Variants in DEPDC1 observed in about 807,000 individuals in gnomAD.
DEPDC1 encodes the protein DEP domain containing 1, also known as DEP domain-containing protein 1A.
Under a neutral mutation model 86.8 loss-of-function variants are expected in DEPDC1, and 66 were observed. The observed-to-expected ratio is 0.76, with a 90% CI of 0.62 to 0.93. The LOEUF (loss-of-function observed/expected upper bound fraction) is 0.93. Among genes scored for constraint, DEPDC1 ranks in the 40% least tolerant of loss-of-function variants. DEPDC1 has a pLI of 0.00. For missense variants in DEPDC1, 792 were observed against 935.7 expected (o/e 0.85, Z 2.00); for synonymous variants, 255 against 314.9 (o/e 0.81, Z 2.02).
In DEPDC1 at chr1:68,494,421, G is replaced by C; in HGVS notation, c.314+9C>G. On this transcript the variant is annotated intron_variant, in intron 2 of 11. Coordinates refer to ENST00000456315, the MANE Select transcript of DEPDC1 (RefSeq NM_001114120.3). The stretch of plus-strand genomic sequence containing the variant: ...AATTCAGTTTTACAGTTACATATCT[G>C]TTCATTACCTGAAGAGCTGGTTGTT... 6.2e-7 allele frequency: 1 copy of C among 1,610,738 alleles called. No homozygotes were observed. The highest frequency in any genetic ancestry group is 8.5e-7 in the Non-Finnish European group (1 of 1,177,760).
At chr1:68,481,745 C>T (rs1042041772) in intron 8 of DEPDC1, 133 bp from the exon 9 acceptor site, 86 of 761,914 alleles carry the variant, frequency 1.1e-4, no homozygotes, top group Middle Eastern at 2.4e-4. Context: ...CTAGAAATTA[C>T]GTTCCTCTAA....
At chr1:68,486,690 A>G (rs1646194607) in intron 6 of DEPDC1, among the ~76,000 whole-genome samples, 1 of 151,974 alleles carries the variant, frequency 6.6e-6, no homozygotes, top group South Asian at 2.1e-4. Flanking sequence ...ACTTTATAAT[A>G]TATGTGAACT....
Position 68,496,096 on chromosome 1 carries a change from C to T in DEPDC1, c.48+856G>A, listed in dbSNP as rs1277804478. Among the ~76,000 whole-genome samples, 1 of 152,158 alleles carries T rather than the reference C, an allele frequency of 6.6e-6. No individual in the cohort carries two copies. Among genetic ancestry groups the T allele is most frequent in the African/African-American group, 2.4e-5 (1 of 41,446 alleles). ...TTGCTGTTGATGTGACTCTAGAGGG[C>T]ATTTAACGTCTGTGAGCCTCAGTGT... On this transcript the variant is annotated intron_variant, in intron 1 of 11. Transcript: ENST00000456315. The surrounding 1 kb of genome is among the most constrained non-coding windows in gnomAD (Gnocchi z 4.0).
intron 2 of DEPDC1, among the ~76,000 whole-genome samples, chr1:68,491,533 C>T (rs907910903): frequency 2.0e-5 from 3 of 152,012 alleles, no homozygotes; most frequent in Non-Finnish European, 2.9e-5. Flanking sequence ...GGCAAGGTTG[C>T]GGAGAAAATG....
intron 7 of DEPDC1, among the ~76,000 whole-genome samples, chr1:68,483,707 G>A (rs1646173557): frequency 6.6e-6 from 1 of 151,978 alleles, no homozygotes. Flanking sequence ...TAGTTAAAGT[G>A]CTTTTCTGAG....
intron 2 of DEPDC1, among the ~76,000 whole-genome samples, chr1:68,491,794 G>A (rs952947855): frequency 6.6e-6 from 1 of 151,564 alleles, no homozygotes; most frequent in Admixed American, 6.6e-5. Context: ...TCTTCTCCAA[G>A]TTTTACTCTG....
In DEPDC1 at chr1:68,482,266, A is replaced by C. The variant is rs769179870; in HGVS notation, c.1542T>G (p.Leu514=). The part of the protein sequence containing the change: ...SKQLCRSQSL[L]LRSSTRRNSY... ...TATTCCTTCTTGTACTACTTCTTAA[A>C]AGCAAACTCTGAGACCTACAAAGCT... Residue 514 remains leucine, a synonymous_variant, in exon 8 of 12, where the codon CTT becomes CTG. Transcript: ENST00000456315. 4.3e-5 allele frequency: 69 copies of C among 1,612,550 alleles called. No individual in the cohort carries two copies. Among genetic ancestry groups the C allele is most frequent in the Middle Eastern group, 1.6e-4 (1 of 6,068 alleles).
rs1646115938 is a variant in DEPDC1, at chr1:68,476,516, A to ACT, written c.*415_*416insAG. 6.6e-6 allele frequency: 1 copy of ACT among 152,314 alleles called. No individual in the cohort carries two copies. Among genetic ancestry groups the ACT allele is most frequent in the Non-Finnish European group, 1.5e-5 (1 of 68,386 alleles). The allele number at this position is 152,314 out of a possible 1,614,324, so 9.4% of individuals were successfully genotyped here. ...GTTTTCAAATATTCTTCACATTCTT[A>ACT]TACTTAGAAACAAAGAAGTAACCCC... On this transcript the variant is annotated 3_prime_UTR_variant, in exon 12 of 12. Coordinates refer to ENST00000456315, the MANE Select transcript of DEPDC1 (RefSeq NM_001114120.3).
chr1:68,494,666 T>C lies in DEPDC1; in HGVS notation c.78A>G (p.Ala26=), dbSNP rs78030459. The C allele has an allele frequency of 0.051, 82,683 of 1,612,684 alleles. 2,587 individuals carry two copies. The highest frequency in any genetic ancestry group is 0.14 in the African/African-American group (10,253 of 74,984). Residue 26 remains alanine, a synonymous_variant, in exon 2 of 12, where the codon GCA becomes GCG. Transcript: ENST00000456315. ...GTCTGTGTTTTCTTAGAGGCATTCC[T>C]GCTCGAAAAGATGTGGTAACTTCAT... ...LWNEVTTSFR[A]GMPLRKHRQH...
intron 6 of DEPDC1, among the ~76,000 whole-genome samples, chr1:68,486,564 C>A (rs1557620361): frequency 6.6e-6 from 1 of 151,614 alleles, no homozygotes; most frequent in Non-Finnish European, 1.5e-5. Flanking sequence ...ATCTAGTATT[C>A]TATGCTTCTA....
rs1179170870 is a variant in DEPDC1 at position 68,475,745 on chromosome 1, C to A, written c.*1187G>T. 1 of 151,770 alleles carries A rather than the reference C, an allele frequency of 6.6e-6. No individual in the cohort carries two copies. Among genetic ancestry groups the A allele is most frequent in the African/African-American group, 2.4e-5 (1 of 41,386 alleles). The allele number at this position is 151,770 out of a possible 1,614,324, so 9.4% of individuals were successfully genotyped here. On this transcript the variant is annotated 3_prime_UTR_variant, in exon 12 of 12. Transcript: ENST00000456315. ...AAGAACCTTGTTTTAAGATGAGAGT[C>A]ATTTATACTTGGCAGGCATTTTCTT...
chr1:68,480,967 G>T (rs1375009200), intron 9 of DEPDC1, among the ~76,000 whole-genome samples: 1 of 151,968 alleles, frequency 6.6e-6, no homozygotes, highest in Admixed American at 6.6e-5. Context: ...GCCTAAGGCT[G>T]TTTGGCAATA....
chr1:68,488,686 C>T (rs1005995453), intron 4 of DEPDC1, among the ~76,000 whole-genome samples, 182 bp from the exon 5 acceptor site: 3 of 151,380 alleles, frequency 2.0e-5, no homozygotes, highest in African/African-American at 4.8e-5. Context: ...AATATATATC[C>T]CAAACTATGG....
In DEPDC1 at chr1:68,481,488, T is replaced by C. The variant is rs1646154986; in HGVS notation, c.1887A>G (p.Gln629=). 6.2e-7 allele frequency: 1 copy of C among 1,612,548 alleles called. No homozygotes were observed. The highest frequency in any genetic ancestry group is 8.5e-7 in the Non-Finnish European group (1 of 1,179,096). ...LLMRMISRMS[Q]NVDMPKLHDA... ...CATGAAGTTTGGGCATATCAACATT[T>C]TGACTCATTCGGGAAATCATACGCA... Residue 629 remains glutamine (Q), a synonymous_variant, in exon 9 of 12, where the codon CAA becomes CAG. Transcript: ENST00000456315.
At chr1:68,495,533 A>T (rs1646259047) in intron 1 of DEPDC1, among the ~76,000 whole-genome samples, 1 of 152,204 alleles carries the variant, frequency 6.6e-6, no homozygotes, top group Non-Finnish European at 1.5e-5. Context: ...CCCAGGTGTG[A>T]TTGACTCTAG....
intron 6 of DEPDC1, among the ~76,000 whole-genome samples, chr1:68,486,486 A>G (rs1178493190): frequency 6.6e-6 from 1 of 151,926 alleles, no homozygotes; most frequent in Non-Finnish European, 1.5e-5. Context: ...TCTTTACAGC[A>G]GCACGAGAAC....
rs1337868735 is a variant in DEPDC1 at position 68,477,058 on chromosome 1, T to C, written c.2310A>G (p.Glu770=). 1 of 1,600,802 alleles carries C rather than the reference T, an allele frequency of 6.2e-7. No individual in the cohort carries two copies. The change falls in exon 12 of 12, where the codon GAA becomes GAG. Residue 770 remains glutamate, a synonymous_variant. Transcript: ENST00000456315. ...KRKKLKQFQK[E]YPLIYQKRFP... ...ATCTTTTCTGATATATCAAAGGATA[T>C]TCCTTCTGAAACTTAAAAATGAGGT...
rs1646156395 is a variant in DEPDC1, at chr1:68,481,611, G to A, written c.1764C>T (p.Ser588=). The part of the protein sequence containing the change: ...PASSMLTGTQ[S]LLQPHLERVA... ...CCCTCTCTAAATGAGGTTGCAGCAA[G>A]CCTAGAATACAAAAATACCCCCCCA... The change falls in exon 9 of 12, where the codon AGC becomes AGT. Residue 588 remains serine (S), a splice_region_variant and synonymous_variant. Coordinates refer to ENST00000456315, the MANE Select transcript of DEPDC1 (RefSeq NM_001114120.3). The A allele has an allele frequency of 6.5e-7, 1 of 1,544,932 alleles. No homozygotes were observed. The highest frequency in any genetic ancestry group is 8.7e-7 in the Non-Finnish European group (1 of 1,146,508).
intron 5 of DEPDC1, among the ~76,000 whole-genome samples, chr1:68,487,571 A>G (rs573570979): frequency 6.6e-6 from 1 of 152,108 alleles, no homozygotes; most frequent in African/African-American, 2.4e-5. Context: ...TATTTTAGGT[A>G]ATGGAAGAAG....
Sources: gnomAD v4.1 joint callset for allele counts (sites outside exome capture counted in the v4.1 genomes callset) on GRCh38, gnomAD v4.1.1 for gene constraint, Gnocchi (gnomAD v3.1) non-coding constraint, MANE v1.5 for transcripts, NCBI Gene and HGNC (gene_info 2026-07-23, HGNC 2026-07-21) for gene names.